Variants in POF1B observed in about 807,000 individuals in gnomAD.
POF1B encodes the protein POF1B actin binding protein.
Under a neutral mutation model 55.3 loss-of-function variants are expected in POF1B, and 53 were observed. That is an observed-to-expected ratio of 0.96 (90% CI 0.77 to 1.20). POF1B has a LOEUF of 1.20. Ranked by LOEUF, POF1B falls within the 50% of genes most tolerant of loss-of-function variation. The probability of loss-of-function intolerance (pLI) is 0.00; values close to 1 mark genes in which losing one functional copy is unlikely to be tolerated. For synonymous variants in POF1B, 188 were observed against 148.3 expected, an observed-to-expected ratio of 1.27 and a Z score of -1.95; for missense variants, 478 against 420.5, an observed-to-expected ratio of 1.14 and a Z score of -1.20.
chrX:85,347,275 C>A (rs1433571471), intron 5 of POF1B, among the ~76,000 whole-genome samples: 1 of 111,155 alleles, frequency 9.0e-6, no homozygotes, highest in Non-Finnish European at 1.9e-5. Context: ...ATGCAATGCA[C>A]TATATCCTTT....
chrX:85,323,930 G>C (rs950431906), intron 7 of POF1B, among the ~76,000 whole-genome samples: 2 of 111,700 alleles, frequency 1.8e-5, no homozygotes, highest in Admixed American at 9.5e-5. Flanking sequence ...GTTGTCATTC[G>C]TTTCAAAGAA....
At chrX:85,358,518 T>C in intron 4 of POF1B, among the ~76,000 whole-genome samples, 1 of 111,582 alleles carries the variant, frequency 9.0e-6, no homozygotes, top group East Asian at 2.8e-4. Context: ...TGTCCACTAA[T>C]GGAACAAAGG....
intron 15 of POF1B, among the ~76,000 whole-genome samples, chrX:85,293,818 C>T (rs2147895798): frequency 9.1e-6 from 1 of 110,223 alleles, no homozygotes; most frequent in East Asian, 2.9e-4. Flanking sequence ...ACTAAAAATA[C>T]AAAAAATTAG....
intron 15 of POF1B, among the ~76,000 whole-genome samples, chrX:85,289,871 G>A (rs952467434): frequency 1.8e-5 from 2 of 111,372 alleles, no homozygotes; most frequent in Non-Finnish European, 3.8e-5. Context: ...ATTTTCGACA[G>A]AAAATTATAA....
At chrX:85,360,568 C>CACACACACT (rs771823548) in intron 3 of POF1B, among the ~76,000 whole-genome samples, 2,556 of 81,366 alleles carry the variant, frequency 0.031, 285 homozygotes, top group African/African-American at 0.16. Flanking sequence ...TACATATATA[C>CACACACACT]ACATTTTCTT....
chrX:85,324,406 G>A (rs775395730), intron 7 of POF1B, among the ~76,000 whole-genome samples: 27 of 110,838 alleles, frequency 2.4e-4, no homozygotes, highest in Admixed American at 1.3e-3. Context: ...TGCCTGTGTT[G>A]GGTGCATATG....
chrX:85,333,380 C>T (rs1163905932), intron 6 of POF1B, among the ~76,000 whole-genome samples: 6 of 111,216 alleles, frequency 5.4e-5, no homozygotes, highest in African/African-American at 2.0e-4. Context: ...TCTCAGCACC[C>T]TCTTTTTACC....
intron 3 of POF1B, among the ~76,000 whole-genome samples, chrX:85,366,959 G>A (rs1933733986): frequency 9.0e-6 from 1 of 110,821 alleles, no homozygotes; most frequent in Non-Finnish European, 1.9e-5. Context: ...ACCAGTTTTT[G>A]TTCATTTGTC....
rs1334739081 is a variant in POF1B, at chrX:85,278,618, G to A, written c.*803C>T. 1.8e-5 allele frequency: 2 copies of A among 110,832 alleles called. No individual in the cohort carries two copies. Among genetic ancestry groups the A allele is most frequent in the African/African-American group, 3.3e-5 (1 of 30,579 alleles). 9.1% of individuals were successfully genotyped at this position (110,832 alleles called of 1,213,427 possible). A position where few individuals can be genotyped will look rare whatever the true frequency, so the allele number is the denominator to read the frequency against. On this transcript the variant is annotated 3_prime_UTR_variant, in exon 17 of 17. Transcript: ENST00000262753. Reference sequence around the variant, plus strand: ...TATCTATGTAATATTTCAATGATATGTTTGCATACCACTATGAAAAAACTT... The same window carrying A: ...TATCTATGTAATATTTCAATGATATATTTGCATACCACTATGAAAAAACTT...
chrX:85,310,480 GA>G (rs1932671716), intron 9 of POF1B, among the ~76,000 whole-genome samples: 1 of 111,893 alleles, frequency 8.9e-6, no homozygotes, highest in African/African-American at 3.2e-5. Flanking sequence ...CTAAAAAGCA[GA>G]ATGGAGAGAA....
At chrX:85,293,274 G>A (rs765584287) in intron 15 of POF1B, among the ~76,000 whole-genome samples, 13 of 111,912 alleles carry the variant, frequency 1.2e-4, no homozygotes, top group Non-Finnish European at 1.9e-4. Context: ...TCAACCTAAT[G>A]CCCATCAATG....
intron 15 of POF1B, among the ~76,000 whole-genome samples, chrX:85,299,885 A>C (rs1932406042): frequency 8.9e-6 from 1 of 112,643 alleles, no homozygotes; most frequent in Non-Finnish European, 1.9e-5. Flanking sequence ...CTTCAAAGCC[A>C]CATTGTCGTT....
At chrX:85,336,101 TG>T (rs1726491950) in intron 6 of POF1B, among the ~76,000 whole-genome samples, 1 of 110,775 alleles carries the variant, frequency 9.0e-6, no homozygotes, top group African/African-American at 3.3e-5. Context: ...AGTGAAAACA[TG>T]TAATATTTGT....
intron 11 of POF1B, 40 bp from the exon 12 acceptor site, chrX:85,306,373 GT>G (rs1454006767): frequency 1.2e-5 from 14 of 1,156,315 alleles, no homozygotes; most frequent in Non-Finnish European, 1.6e-5. Flanking sequence ...AATGCATTTT[GT>G]TTTTGGTGAG....
chrX:85,327,053 C>T (rs749264289), intron 7 of POF1B, among the ~76,000 whole-genome samples: 1 of 110,980 alleles, frequency 9.0e-6, no homozygotes, highest in African/African-American at 3.3e-5. Flanking sequence ...CATGCTCCAC[C>T]ACAGAGGCTC....
intron 15 of POF1B, 125 bp downstream of exon 15, chrX:85,303,281 G>A (rs1205071207): frequency 2.4e-6 from 1 of 412,612 alleles, no homozygotes; most frequent in Non-Finnish European, 4.1e-6. Context: ...TCATTCTTCA[G>A]TAGAATAACT....
chrX:85,333,741 T>C (rs1420877244), intron 6 of POF1B, among the ~76,000 whole-genome samples: 2 of 110,772 alleles, frequency 1.8e-5, no homozygotes, highest in Non-Finnish European at 3.8e-5. Flanking sequence ...CCTTATAGAG[T>C]TGGAGGCTGG....
At chrX:85,320,510 C>A (rs182678168) in intron 7 of POF1B, among the ~76,000 whole-genome samples, 1 of 110,304 alleles carries the variant, frequency 9.1e-6, no homozygotes, top group East Asian at 2.8e-4. Context: ...AAATTGACAC[C>A]GTAACATCAC....
At chrX:85,351,719 G>T (rs775561930) in intron 4 of POF1B, among the ~76,000 whole-genome samples, 1 of 110,853 alleles carries the variant, frequency 9.0e-6, no homozygotes, top group South Asian at 3.8e-4. Flanking sequence ...GAGTGGGAAA[G>T]ATAATTTTCT....
Sources: gnomAD v4.1 joint callset for allele counts (sites outside exome capture counted in the v4.1 genomes callset) on GRCh38, gnomAD v4.1.1 for gene constraint, MANE v1.5 for transcripts, NCBI Gene and HGNC (gene_info 2026-07-23, HGNC 2026-07-21) for gene names.